Variants in DCBLD1 observed in about 807,000 individuals in gnomAD.
DCBLD1 encodes the protein discoidin, CUB and LCCL domain containing 1.
Under a neutral mutation model 71.5 loss-of-function variants are expected in DCBLD1, and 57 were observed. That is an observed-to-expected ratio of 0.80 (90% CI 0.64 to 0.99). DCBLD1 has a LOEUF of 0.99. DCBLD1 is among the 50% of genes least tolerant of loss of function. The pLI, the probability that DCBLD1 is intolerant of heterozygous loss-of-function variation, is 0.00. For missense variants in DCBLD1, 891 were observed against 923.5 expected (o/e 0.96, Z 0.46); for synonymous variants, 380 against 363.8 (o/e 1.04, Z -0.51).
intron 14 of DCBLD1, chr6:117,563,088 G>A (rs1419247444): frequency 1.7e-6 from 1 of 604,044 alleles, no homozygotes; most frequent in Non-Finnish European, 2.9e-6. Flanking sequence ...ACAGAAAACA[G>A]GGTGTTTTAT....
intron 4 of DCBLD1, among the ~76,000 whole-genome samples, chr6:117,522,437 T>A (rs1583004258): frequency 6.6e-6 from 1 of 151,844 alleles, no homozygotes; most frequent in South Asian, 2.1e-4. Flanking sequence ...AAACTATGAC[T>A]GTTTTTTTTT....
chr6:117,547,980 G>C lies in DCBLD1; in HGVS notation c.1689G>C (p.Thr563=). Residue 563 remains threonine, a synonymous_variant, in exon 15 of 15, where the codon ACG becomes ACC. Transcript: ENST00000338728. ...RKGSTFRPMD[T]DAEEAGVSTD... is the part of the protein sequence containing the mutation. ...GCTCCACCTTCCGGCCCATGGACAC[G>C]GATGCCGAGGAGGCAGGGGTGAGCA... The C allele has an allele frequency of 6.4e-7, 1 of 1,550,584 alleles. No homozygotes were observed. The highest frequency in any genetic ancestry group is 1.4e-5 in the African/African-American group (1 of 73,188).
intron 14 of DCBLD1, chr6:117,547,682 CTGAGAA>C: frequency 1.1e-6 from 1 of 908,314 alleles, no homozygotes; most frequent in Non-Finnish European, 1.8e-6. Flanking sequence ...GCCCCCATCT[CTGAGAA>C]GACCCTGCGA....
Position 117,482,857 on chromosome 6 carries a change from G to A in DCBLD1, c.76G>A (p.Val26Ile). Reference sequence around the variant, plus strand: ...GGGCCTCCTGGCTTTGCTGCTCGCGGTCTCCGCCCCGCTCCGGCTGCAGGC... The same window carrying A: ...GGGCCTCCTGGCTTTGCTGCTCGCGATCTCCGCCCCGCTCCGGCTGCAGGC... ...GRGLLALLLA[V>I]SAPLRLQAEE... is the part of the protein sequence containing the mutation. Residue 26 changes from valine (V) to isoleucine (I), a missense_variant, in exon 1 of 15, where the codon GTC becomes ATC. Physicochemically the swap from Val to Ile is conservative, Grantham distance 29. Transcript: ENST00000338728. 8.4e-7 allele frequency: 1 copy of A among 1,188,356 alleles called. No individual in the cohort carries two copies. Among genetic ancestry groups the A allele is most frequent in the South Asian group, 3.5e-5 (1 of 28,838 alleles). 73.6% of individuals were successfully genotyped at this position (1,188,356 alleles called of 1,614,324 possible).
At chr6:117,557,800 C>A (rs1229329444) in intron 14 of DCBLD1, among the ~76,000 whole-genome samples, 1 of 152,164 alleles carries the variant, frequency 6.6e-6, no homozygotes, top group South Asian at 2.1e-4. Flanking sequence ...AAATTCAGTT[C>A]TAGGAGTACT....
At chr6:117,490,989 A>G (rs536469676) in intron 1 of DCBLD1, among the ~76,000 whole-genome samples, 1 of 152,230 alleles carries the variant, frequency 6.6e-6, no homozygotes, top group African/African-American at 2.4e-5. Context: ...GACAAAAAAC[A>G]AGACAAAAGG....
chr6:117,563,415 C>G (rs761861929), intron 14 of DCBLD1: 5 of 1,609,558 alleles, frequency 3.1e-6, no homozygotes, highest in Non-Finnish European at 4.2e-6. Flanking sequence ...AAAGCAGACA[C>G]TTTCTGGTTT....
At chr6:117,546,977 C>T (rs1661459243) in intron 14 of DCBLD1, among the ~76,000 whole-genome samples, 1 of 152,214 alleles carries the variant, frequency 6.6e-6, no homozygotes, top group South Asian at 2.1e-4. Flanking sequence ...GTCCTTGCCT[C>T]CCGGCTTTCC....
At chr6:117,550,957 A>G (rs887776808), downstream of DCBLD1, among the ~76,000 whole-genome samples, 5 of 152,120 alleles carry the variant, frequency 3.3e-5, no homozygotes, top group Non-Finnish European at 4.4e-5. Flanking sequence ...GGTGAATACA[A>G]ACACCCCAAC....
intron 14 of DCBLD1, chr6:117,562,568 CAAAA>C (rs909757358): frequency 9.9e-6 from 2 of 202,248 alleles, no homozygotes; most frequent in Admixed American, 6.0e-5. Flanking sequence ...TTTTAAAAAA[CAAAA>C]AAAGTAAAAT....
chr6:117,566,054 T>C (rs1779690444), intron 14 of DCBLD1, among the ~76,000 whole-genome samples: 1 of 152,204 alleles, frequency 6.6e-6, no homozygotes, highest in Admixed American at 6.5e-5. Flanking sequence ...GCAAAATTGG[T>C]ATCTTCTTCT....
chr6:117,551,439 G>A (rs1779426459), downstream of DCBLD1, among the ~76,000 whole-genome samples: 1 of 151,752 alleles, frequency 6.6e-6, no homozygotes, highest in Non-Finnish European at 1.5e-5. Flanking sequence ...GACTGCAGTG[G>A]CACTGTCTCA....
intron 1 of DCBLD1, among the ~76,000 whole-genome samples, chr6:117,487,800 T>A (rs1436169655): frequency 3.0e-5 from 4 of 132,500 alleles, no homozygotes; most frequent in Non-Finnish European, 5.0e-5. Context: ...GAATTTCAGA[T>A]TTTTTTTTTT....
At chr6:117,509,151 G>T (rs1439731964) in intron 2 of DCBLD1, among the ~76,000 whole-genome samples, 5 of 152,120 alleles carry the variant, frequency 3.3e-5, no homozygotes, top group African/African-American at 4.8e-5. Flanking sequence ...AAATGGGCAG[G>T]CCAGGTGCGA....
At position 117,547,924 on chromosome 6, in the gene DCBLD1, A is replaced by G; in HGVS notation, c.1633A>G (p.Met545Val). ...GGTTTCAGATTACCAGCAGCCCCTC[A>G]TGATTGGCACCGGGACAGTCACGAG... ...SDMADYQQPL[M>V]IGTGTVTRKG... is the part of the protein sequence containing the mutation. Residue 545 changes from methionine (M) to valine (V), a missense_variant, in exon 15 of 15, where the codon ATG becomes GTG. Physicochemically the swap from Met to Val is conservative, Grantham distance 21 (BLOSUM62 1). Coordinates refer to ENST00000338728, the MANE Select transcript of DCBLD1 (RefSeq NM_001366458.2). The G allele has an allele frequency of 6.4e-7, 1 of 1,550,396 alleles. No individual in the cohort carries two copies.
chr6:117,565,233 T>C (rs1779671928), intron 14 of DCBLD1, among the ~76,000 whole-genome samples: 1 of 152,212 alleles, frequency 6.6e-6, no homozygotes, highest in South Asian at 2.1e-4. Context: ...TCAATGGCTT[T>C]GTAGATGATA....
intron 1 of DCBLD1, among the ~76,000 whole-genome samples, chr6:117,501,965 T>C (rs1777677054): frequency 6.6e-6 from 1 of 152,142 alleles, no homozygotes; most frequent in Non-Finnish European, 1.5e-5. Flanking sequence ...TTTTTTCTCC[T>C]TTGTTCTTCT....
chr6:117,489,193 T>C (rs562207138), intron 1 of DCBLD1, among the ~76,000 whole-genome samples: 2 of 152,192 alleles, frequency 1.3e-5, no homozygotes, highest in East Asian at 3.9e-4. Context: ...TCAGGAAGCT[T>C]GCGGTCATGA....
chr6:117,487,199 A>C (rs1179231113), intron 1 of DCBLD1, among the ~76,000 whole-genome samples: 4 of 152,086 alleles, frequency 2.6e-5, no homozygotes, highest in African/African-American at 7.2e-5. Context: ...ACTAGATTAT[A>C]AGGTCTATGA....
Sources: gnomAD v4.1 joint callset for allele counts (sites outside exome capture counted in the v4.1 genomes callset) on GRCh38, gnomAD v4.1.1 for gene constraint, MANE v1.5 for transcripts, NCBI Gene and HGNC (gene_info 2026-07-23, HGNC 2026-07-21) for gene names.